The following SEM1 variants were observed in gnomAD, a reference collection of about 807,000 sequenced individuals.
The protein encoded by SEM1 is 26S proteasome complex subunit SEM1.
A neutral mutation model predicts 12.7 loss-of-function variants in SEM1; 3 were observed. The observed-to-expected ratio is 0.24, with a 90% CI of 0.11 to 0.61. SEM1 has a LOEUF of 0.61. Among genes scored for constraint, SEM1 ranks in the 20% least tolerant of loss-of-function variants. The pLI is 0.88. For missense variants in SEM1, 59 were observed against 81.3 expected (o/e 0.73, Z 1.06); for synonymous variants, 30 against 27.8 (o/e 1.08, Z -0.25).
intron 1 of SEM1, among the ~76,000 whole-genome samples, chr7:96,706,570 C>CA (rs67892273): frequency 0.014 from 1,126 of 78,074 alleles, 13 homozygotes; most frequent in African/African-American, 0.041. Context: ...CTCAAACAAA[C>CA]AAAAAAAAAA....
chr7:96,525,584 C>G (rs1563045949), intron 2 of SEM1, among the ~76,000 whole-genome samples: 1 of 152,066 alleles, frequency 6.6e-6, no homozygotes, highest in Non-Finnish European at 1.5e-5. Context: ...CTCTTCTCAC[C>G]TCTTTTTCAT....
chr7:96,604,654 C>T (rs769603727), intron 2 of SEM1, among the ~76,000 whole-genome samples: 4 of 152,016 alleles, frequency 2.6e-5, no homozygotes, highest in African/African-American at 4.8e-5. Flanking sequence ...TGTGGTGGCT[C>T]ATGCCTGTAA....
intron 2 of SEM1, among the ~76,000 whole-genome samples, chr7:96,523,937 G>T (rs1403126904): frequency 6.6e-6 from 1 of 151,974 alleles, no homozygotes; most frequent in Non-Finnish European, 1.5e-5. Context: ...TGTTTTGTTT[G>T]TTGCTTTCAT....
At chr7:96,584,875 T>A (rs1340696487) in intron 2 of SEM1, among the ~76,000 whole-genome samples, 2 of 151,394 alleles carry the variant, frequency 1.3e-5, no homozygotes, top group Admixed American at 6.6e-5. Flanking sequence ...TCTTCTAAAT[T>A]TTTTTCAAAG....
chr7:96,564,243 C>T (rs985384024), intron 2 of SEM1, among the ~76,000 whole-genome samples: 6 of 151,742 alleles, frequency 4.0e-5, no homozygotes, highest in Non-Finnish European at 7.4e-5. Flanking sequence ...AAGTCTTTAT[C>T]TTAAGGCTGA....
intron 3 of SEM1, among the ~76,000 whole-genome samples, chr7:96,501,967 G>A (rs1803574639): frequency 6.6e-6 from 1 of 152,084 alleles, no homozygotes; most frequent in Non-Finnish European, 1.5e-5. Flanking sequence ...TTACAAGTGA[G>A]AACATGTGGA....
At chr7:96,623,659 CTATA>C (rs2116295630) in intron 2 of SEM1, among the ~76,000 whole-genome samples, 1 of 150,912 alleles carries the variant, frequency 6.6e-6, no homozygotes, top group Non-Finnish European at 1.5e-5. Context: ...ATTTTATTGT[CTATA>C]TATGGAAGAA....
intron 2 of SEM1, among the ~76,000 whole-genome samples, chr7:96,510,521 A>G (rs1803904536): frequency 6.6e-6 from 1 of 152,182 alleles, no homozygotes; most frequent in Admixed American, 6.6e-5. Context: ...TGGGACCACT[A>G]TCATATATGT....
At chr7:96,563,258 G>A (rs1017723938) in intron 2 of SEM1, among the ~76,000 whole-genome samples, 1 of 152,084 alleles carries the variant, frequency 6.6e-6, no homozygotes, top group Non-Finnish European at 1.5e-5. Flanking sequence ...GGAGGGTTGG[G>A]AAGGTATATT....
rs573592957 is a variant in SEM1, at chr7:96,662,308, G to A, written c.170+32490C>T. On this transcript the variant is annotated intron_variant, in intron 2 of 2. Coordinates refer to the SEM1 transcript ENST00000417009. ...CAATGACAGACTGGATAAAGAAAAC[G>A]TGGGACATATATACCATGGAATACT... Among the ~76,000 whole-genome samples the A allele has an allele frequency of 2.0e-4, 31 of 152,250 alleles. No homozygotes were observed. In the South Asian group the frequency reaches 4.8e-3, roughly 23 times the overall value.
intron 2 of SEM1, among the ~76,000 whole-genome samples, chr7:96,589,573 C>T (rs1168630936): frequency 6.6e-6 from 1 of 152,196 alleles, no homozygotes; most frequent in African/African-American, 2.4e-5. Flanking sequence ...CTCATTCCCT[C>T]TCCCATCTCC....
intron 2 of SEM1, among the ~76,000 whole-genome samples, chr7:96,599,293 GA>G (rs1408875597): frequency 1.3e-5 from 2 of 152,106 alleles, no homozygotes; most frequent in African/African-American, 4.8e-5. Context: ...ATTGGTGACT[GA>G]AAGCCTTTTC....
At chr7:96,706,852 T>G (rs2116059029) in intron 1 of SEM1, among the ~76,000 whole-genome samples, 1 of 152,322 alleles carries the variant, frequency 6.6e-6, no homozygotes, top group East Asian at 1.9e-4. Context: ...AAGTAAGATC[T>G]GTTATAGACT....
intron 2 of SEM1, among the ~76,000 whole-genome samples, chr7:96,551,782 T>C (rs78377322): frequency 0.011 from 1,738 of 151,476 alleles, 29 homozygotes; most frequent in African/African-American, 0.04. Flanking sequence ...AGGTAGATGT[T>C]GCAGTTATAA....
intron 2 of SEM1, chr7:96,653,694 C>A (rs1809077747): frequency 6.6e-6 from 1 of 152,176 alleles, no homozygotes. Flanking sequence ...AATAACTAAT[C>A]TATATCATTA....
chr7:96,563,582 G>A (rs1805758470), intron 2 of SEM1, among the ~76,000 whole-genome samples: 2 of 152,204 alleles, frequency 1.3e-5, no homozygotes, highest in African/African-American at 4.8e-5. Flanking sequence ...AAACTAGAGA[G>A]GGACAAGAGG....
At chr7:96,487,526 C>A (rs1296685111) in intron 1 of SEM1, among the ~76,000 whole-genome samples, 2 of 149,932 alleles carry the variant, frequency 1.3e-5, no homozygotes, top group Non-Finnish European at 2.9e-5. Flanking sequence ...TAGTGCCAAC[C>A]CTGTAATACA....
intron 2 of SEM1, among the ~76,000 whole-genome samples, chr7:96,553,353 T>C (rs1468076064): frequency 1.3e-5 from 2 of 151,304 alleles, no homozygotes; most frequent in Non-Finnish European, 2.9e-5. Context: ...CTTTAATCCA[T>C]CTTGAATTGA....
intron 2 of SEM1, among the ~76,000 whole-genome samples, chr7:96,594,323 C>T (rs1806927916): frequency 1.3e-5 from 2 of 152,034 alleles, no homozygotes; most frequent in Admixed American, 1.3e-4. Flanking sequence ...TTCTGCCACC[C>T]ACTTCCCACA....
Sources: gnomAD v4.1 joint callset for allele counts (sites outside exome capture counted in the v4.1 genomes callset) on GRCh38, gnomAD v4.1.1 for gene constraint, MANE v1.5 for transcripts, NCBI Gene and HGNC (gene_info 2026-07-23, HGNC 2026-07-21) for gene names.